The following DSCAM variants were observed in gnomAD, a reference collection of about 807,000 sequenced individuals.
DSCAM encodes the protein cell adhesion molecule DSCAM.
Under a neutral mutation model 217.7 loss-of-function variants are expected in DSCAM, and 47 were observed. The observed-to-expected ratio is 0.22, with a 90% CI of 0.17 to 0.28. The LOEUF (loss-of-function observed/expected upper bound fraction) is 0.28, where lower values mean the gene tolerates loss of function less well. Ranked by LOEUF, DSCAM falls within the 10% of genes least tolerant of loss-of-function variation. DSCAM has a pLI of 1.00. For missense variants in DSCAM, 2,080 were observed against 2,618.3 expected (o/e 0.79, Z 4.49); for synonymous variants, 1,056 against 1,015.3 (o/e 1.04, Z -0.76).
At chr21:40,349,740 G>A (rs2074608266) in intron 5 of DSCAM, among the ~76,000 whole-genome samples, 1 of 152,112 alleles carries the variant, frequency 6.6e-6, no homozygotes, top group African/African-American at 2.4e-5. Flanking sequence ...AAAATTTTTG[G>A]TGAAAGACCT....
At chr21:40,155,097 C>T (rs1201060182) in intron 16 of DSCAM, among the ~76,000 whole-genome samples, 1 of 152,360 alleles carries the variant, frequency 6.6e-6, no homozygotes, top group South Asian at 2.1e-4. Flanking sequence ...GACATAGCTC[C>T]TCTTTTTGGG....
At chr21:40,675,099 G>T (rs888743623) in intron 3 of DSCAM, among the ~76,000 whole-genome samples, 3 of 152,132 alleles carry the variant, frequency 2.0e-5, no homozygotes, top group South Asian at 4.1e-4. Context: ...CTTCTGCTGT[G>T]GGGCTGGCAT....
chr21:40,027,969 C>G lies in DSCAM; in HGVS notation c.5686+14402G>C, dbSNP rs1448400481. 3.5e-3 allele frequency among the ~76,000 whole-genome samples: 9 copies of G among 2,582 alleles called. 1 individual carries two copies. Among genetic ancestry groups the G allele is most frequent in the African/African-American group, 7.2e-3 (8 of 1,106 alleles). The allele number at this position is 2,582 out of a possible 152,430, so 1.7% of individuals were successfully genotyped here. ...AGAGGCGCTCTGCTTTTTAGAGTTTCCAGTTTTTCCCCATCTTTGTGGTTT... is the reference window on the plus strand; with the variant it reads ...AGAGGCGCTCTGCTTTTTAGAGTTTGCAGTTTTTCCCCATCTTTGTGGTTT... On this transcript the variant is annotated intron_variant, in intron 32 of 32. Coordinates refer to ENST00000400454, the MANE Select transcript of DSCAM (RefSeq NM_001389.5).
chr21:40,563,042 T>G (rs1601747076), intron 3 of DSCAM, among the ~76,000 whole-genome samples: 1 of 152,302 alleles, frequency 6.6e-6, no homozygotes, highest in East Asian at 1.9e-4. Flanking sequence ...CCGGATTTGC[T>G]GAAGCAGGGT....
At chr21:40,029,236 C>A (rs2088469545) in intron 32 of DSCAM, among the ~76,000 whole-genome samples, 1 of 152,090 alleles carries the variant, frequency 6.6e-6, no homozygotes. Flanking sequence ...TTATCCTGTG[C>A]CGTCAAGAGA....
At chr21:40,369,303 C>T in intron 3 of DSCAM, 58 bp from the exon 4 acceptor site, 6 of 1,530,582 alleles carry the variant, frequency 3.9e-6, no homozygotes, top group Non-Finnish European at 4.4e-6. Context: ...CCCAACCACA[C>T]AGACAAAGTC....
intron 19 of DSCAM, among the ~76,000 whole-genome samples, chr21:40,129,442 G>A (rs2090132528): frequency 1.3e-5 from 2 of 152,188 alleles, no homozygotes; most frequent in Non-Finnish European, 2.9e-5. Context: ...CATAACACAA[G>A]TGGAAGTGGG....
rs139943338 is a variant in DSCAM, at chr21:40,241,209, G to C, written c.2356+34888C>G. On this transcript the variant is annotated intron_variant, in intron 11 of 32. Coordinates refer to ENST00000400454, the MANE Select transcript of DSCAM (RefSeq NM_001389.5). ...CAACAGAGTAAAGAGACAACCTACA[G>C]AATGTGAGAAAATATTTGAAAACTA... Among the ~76,000 whole-genome samples, 299 of 152,300 alleles carry C rather than the reference G, an allele frequency of 2.0e-3. 1 individual carries two copies. The highest frequency in any genetic ancestry group is 7.1e-3 in the African/African-American group (296 of 41,584).
At chr21:40,549,002 G>A (rs7276837) in intron 3 of DSCAM, among the ~76,000 whole-genome samples, 59,754 of 151,932 alleles carry the variant, frequency 0.39, 12,542 homozygotes, top group East Asian at 0.5. Flanking sequence ...TCAGGAGTTC[G>A]AGACCAGCCT....
intron 3 of DSCAM, among the ~76,000 whole-genome samples, chr21:40,613,977 A>G (rs762798907): frequency 1.2e-4 from 18 of 152,238 alleles, no homozygotes; most frequent in Non-Finnish European, 2.5e-4. Flanking sequence ...CACAAAAGAA[A>G]AACTCTGAGT....
At chr21:40,161,979 G>A (rs1420335830) in intron 16 of DSCAM, among the ~76,000 whole-genome samples, 3 of 152,196 alleles carry the variant, frequency 2.0e-5, no homozygotes, top group Non-Finnish European at 2.9e-5. Flanking sequence ...AGGATACTAC[G>A]TAAGAATGTA....
intron 1 of DSCAM, among the ~76,000 whole-genome samples, chr21:40,834,447 T>TAATAAC (rs1394370012): frequency 2.7e-5 from 4 of 147,214 alleles, no homozygotes; most frequent in African/African-American, 9.9e-5. Context: ...ATAATAATAA[T>TAATAAC]AATAATAATA....
intron 32 of DSCAM, among the ~76,000 whole-genome samples, chr21:40,041,572 C>T (rs1025089600): frequency 2.6e-5 from 4 of 152,140 alleles, no homozygotes; most frequent in African/African-American, 7.2e-5. Flanking sequence ...CCTGAAATGG[C>T]CCATGTCCGC....
chr21:40,337,770 G>T (rs960517069), intron 8 of DSCAM, among the ~76,000 whole-genome samples: 1 of 152,174 alleles, frequency 6.6e-6, no homozygotes, highest in African/African-American at 2.4e-5. Flanking sequence ...TTTAGGAAAA[G>T]AAGGTTATTT....
At chr21:40,533,604 T>TTCAA (rs1400212275) in intron 3 of DSCAM, among the ~76,000 whole-genome samples, 14,498 of 141,382 alleles carry the variant, frequency 0.1, 1,415 homozygotes, top group African/African-American at 0.26. Flanking sequence ...CACCTGTCTG[T>TTCAA]CCATCCATCC....
intron 1 of DSCAM, among the ~76,000 whole-genome samples, chr21:40,806,553 T>C (rs1016849294): frequency 6.6e-6 from 1 of 152,242 alleles, no homozygotes; most frequent in Non-Finnish European, 1.5e-5. Flanking sequence ...CCACCCTTCA[T>C]TTTGACAATT....
intron 3 of DSCAM, among the ~76,000 whole-genome samples, chr21:40,507,883 C>A (rs530422114): frequency 1.1e-4 from 16 of 152,242 alleles, no homozygotes; most frequent in African/African-American, 3.6e-4. Flanking sequence ...TTTCTCTGTA[C>A]CCCCTCGCCC....
intron 2 of DSCAM, among the ~76,000 whole-genome samples, chr21:40,696,719 A>C (rs971598176): frequency 6.6e-6 from 1 of 152,172 alleles, no homozygotes; most frequent in African/African-American, 2.4e-5. Context: ...AGAAGAAAAA[A>C]AAATCTCTGG....
chr21:40,109,968 C>T (rs955008537), intron 20 of DSCAM, among the ~76,000 whole-genome samples: 4 of 152,206 alleles, frequency 2.6e-5, no homozygotes, highest in Non-Finnish European at 5.9e-5. Flanking sequence ...GCCTGCCTGC[C>T]TCTGTAGACT....
Sources: gnomAD v4.1 joint callset for allele counts (sites outside exome capture counted in the v4.1 genomes callset) on GRCh38, gnomAD v4.1.1 for gene constraint, MANE v1.5 for transcripts, NCBI Gene and HGNC (gene_info 2026-07-23, HGNC 2026-07-21) for gene names.